The following OSBPL10 variants were observed in gnomAD, a reference collection of about 807,000 sequenced individuals.
OSBPL10 encodes the protein oxysterol binding protein like 10.
A neutral mutation model predicts 81.7 loss-of-function variants in OSBPL10; 49 were observed. The ratio of observed to expected loss-of-function variants is 0.60; its 90% confidence interval spans 0.48 to 0.76. The LOEUF (loss-of-function observed/expected upper bound fraction) is 0.76. Among genes scored for constraint, OSBPL10 ranks in the 30% least tolerant of loss-of-function variants. The probability of loss-of-function intolerance (pLI) is 0.00; values close to 1 mark genes in which losing one functional copy is unlikely to be tolerated. For synonymous variants in OSBPL10, 419 were observed against 383.6 expected, an observed-to-expected ratio of 1.09 and a Z score of -1.08; for missense variants, 923 against 987.8, an observed-to-expected ratio of 0.93 and a Z score of 0.88.
rs150087815 is a variant in OSBPL10, at chr3:31,786,544, A to G, written c.730-38424T>C. Among the ~76,000 whole-genome samples the G allele has an allele frequency of 1.4e-3, 206 of 152,262 alleles. 1 individual carries two copies. The highest frequency in any genetic ancestry group is 4.7e-3 in the African/African-American group (195 of 41,538). Reference sequence around the variant, plus strand: ...TGGCACCTTCTTGCTGTGTCCTCACATGACAGACAGAAGGGGAAGAGTTCC... The same window carrying G: ...TGGCACCTTCTTGCTGTGTCCTCACGTGACAGACAGAAGGGGAAGAGTTCC... On this transcript the variant is annotated intron_variant, in intron 4 of 11. Transcript: ENST00000396556.
rs1394281296 is a variant in OSBPL10 at position 31,747,927 on chromosome 3, T to G, written c.923A>C (p.Gln308Pro). The G allele has an allele frequency of 6.2e-7, 1 of 1,613,578 alleles. No homozygotes were observed. Among genetic ancestry groups the G allele is most frequent in the Non-Finnish European group, 8.5e-7 (1 of 1,180,038 alleles). ...GGTCTTACCCGAGGCTCCTGGCTTCTGGCTGGGCTGGCCCGCCTGGTGCAC... is the reference window on the plus strand; with the variant it reads ...GGTCTTACCCGAGGCTCCTGGCTTCGGGCTGGGCTGGCCCGCCTGGTGCAC... ...QSVHQAGQPS[Q>P]KPGASENILG... is the part of the protein sequence containing the mutation. Residue 308 changes from glutamine (Q) to proline (P), a missense_variant, in exon 5 of 12, where the codon CAG becomes CCG. Gln to Pro is a moderately conservative substitution (Grantham distance 76, BLOSUM62 -1). Coordinates refer to ENST00000396556, the MANE Select transcript of OSBPL10 (RefSeq NM_017784.5).
chr3:31,941,455 T>C (rs1274554940), intron 1 of OSBPL10, among the ~76,000 whole-genome samples: 1 of 152,058 alleles, frequency 6.6e-6, no homozygotes, highest in Non-Finnish European at 1.5e-5. Context: ...GCCCAACAAA[T>C]CTCTCTGAGC....
At chr3:31,739,317 A>G (rs1697274117) in intron 5 of OSBPL10, among the ~76,000 whole-genome samples, 1 of 152,156 alleles carries the variant, frequency 6.6e-6, no homozygotes, top group Non-Finnish European at 1.5e-5. Flanking sequence ...GGGAGAAAGG[A>G]AGGAAGAAAC....
chr3:31,990,015 A>G, intron 2 of OSBPL10: 5 of 1,614,184 alleles, frequency 3.1e-6, no homozygotes, highest in Non-Finnish European at 3.4e-6. Context: ...CTGGAGAGAA[A>G]CCTTACAAAT....
intron 4 of OSBPL10, among the ~76,000 whole-genome samples, chr3:31,811,266 CAAG>C (rs886217259): frequency 2.0e-5 from 3 of 152,182 alleles, no homozygotes; most frequent in East Asian, 1.9e-4. Context: ...CCTCCCCTCA[CAAG>C]AAGACCTCAG....
chr3:32,060,544 A>G (rs998146577), intron 1 of OSBPL10, among the ~76,000 whole-genome samples: 3 of 151,258 alleles, frequency 2.0e-5, no homozygotes, highest in South Asian at 4.3e-4. Flanking sequence ...TTATTCTCCC[A>G]GAGCAATAAT....
chr3:31,830,850 T>C (rs1412707100), intron 3 of OSBPL10, among the ~76,000 whole-genome samples: 1 of 152,352 alleles, frequency 6.6e-6, no homozygotes, highest in Middle Eastern at 3.4e-3. Context: ...TATTCCTCAT[T>C]TGTTAGTCCA....
intron 6 of OSBPL10, 110 bp downstream of exon 6, chr3:31,733,142 TTTTAA>T: frequency 7.0e-7 from 1 of 1,436,324 alleles, no homozygotes; most frequent in Non-Finnish European, 9.5e-7. Flanking sequence ...TTCTTCCATT[TTTTAA>T]TTTGTCTCCT....
chr3:31,807,398 T>TAAATAA (rs1260095047), intron 4 of OSBPL10, among the ~76,000 whole-genome samples: 3 of 150,720 alleles, frequency 2.0e-5, no homozygotes, highest in Admixed American at 6.6e-5. Context: ...AATAAATAAA[T>TAAATAA]AAATAAGATT....
chr3:31,961,043 C>A (rs1272893909), intron 1 of OSBPL10, among the ~76,000 whole-genome samples: 19 of 122,434 alleles, frequency 1.6e-4, no homozygotes, highest in Non-Finnish European at 6.4e-5. Context: ...CAAGAAGCTA[C>A]AGCCTTTTTT....
chr3:31,678,132 T>C (rs1700532959), intron 8 of OSBPL10, among the ~76,000 whole-genome samples: 2 of 148,730 alleles, frequency 1.3e-5, no homozygotes, highest in Middle Eastern at 3.3e-3. Context: ...TGTTGGTTAG[T>C]TCAGGGGACA....
chr3:31,795,652 C>A (rs1699188459), intron 4 of OSBPL10: 1 of 208,910 alleles, frequency 4.8e-6, no homozygotes. Flanking sequence ...CATTCAACAC[C>A]AACGAGGTCA....
At chr3:31,891,734 G>C (rs1347039491) in intron 1 of OSBPL10, among the ~76,000 whole-genome samples, 2 of 152,170 alleles carry the variant, frequency 1.3e-5, no homozygotes, top group Non-Finnish European at 2.9e-5. Flanking sequence ...ACACTCAGCT[G>C]TCAGTGTGGT....
intron 1 of OSBPL10, among the ~76,000 whole-genome samples, chr3:31,898,601 A>C (rs965170356): frequency 6.6e-5 from 10 of 151,838 alleles, no homozygotes; most frequent in Non-Finnish European, 1.3e-4. Flanking sequence ...AAAATCTAAA[A>C]AAAAAGAATA....
At chr3:31,696,203 C>G (rs766835854) in intron 7 of OSBPL10, among the ~76,000 whole-genome samples, 12 of 152,118 alleles carry the variant, frequency 7.9e-5, no homozygotes, top group Admixed American at 3.3e-4. Context: ...TGGCCAACTC[C>G]CCTTCCATGC....
chr3:32,055,714 G>T (rs751018302), intron 1 of OSBPL10, among the ~76,000 whole-genome samples: 1 of 152,074 alleles, frequency 6.6e-6, no homozygotes, highest in African/African-American at 2.4e-5. Context: ...TTCCTTTAAG[G>T]AATCAAACCT....
chr3:31,801,047 A>G (rs1227247676), intron 4 of OSBPL10, among the ~76,000 whole-genome samples: 1 of 151,844 alleles, frequency 6.6e-6, no homozygotes. Context: ...TGACATCACC[A>G]TAGGTTCTCC....
intron 1 of OSBPL10, among the ~76,000 whole-genome samples, chr3:31,891,713 G>A (rs1436170804): frequency 6.6e-6 from 1 of 152,130 alleles, no homozygotes; most frequent in African/African-American, 2.4e-5. Context: ...AATATTATTT[G>A]GCAGGGGCTC....
chr3:31,926,037 C>G (rs1216503503), intron 1 of OSBPL10, among the ~76,000 whole-genome samples: 1 of 152,048 alleles, frequency 6.6e-6, no homozygotes, highest in East Asian at 1.9e-4. Flanking sequence ...TAACCACTCT[C>G]TTATCTTTAT....
Sources: allele counts gnomAD v4.1 joint callset (sites outside exome capture counted in the v4.1 genomes callset), GRCh38; gene constraint gnomAD v4.1.1; transcripts MANE v1.5; gene names NCBI Gene and HGNC (gene_info 2026-07-23, HGNC 2026-07-21).